FAM124B: variants seen among roughly 807,000 people sequenced by gnomAD.
FAM124B encodes the protein protein FAM124B.
Under a neutral mutation model 19.7 loss-of-function variants are expected in FAM124B, and 18 were observed. That is an observed-to-expected ratio of 0.92 (90% CI 0.63 to 1.36). The LOEUF is 1.36. Among genes scored for constraint, FAM124B ranks in the 40% most tolerant of loss-of-function variants. The pLI, the probability that FAM124B is intolerant of heterozygous loss-of-function variation, is 0.00. For missense variants in FAM124B, 540 were observed against 553.3 expected (o/e 0.98, Z 0.24); for synonymous variants, 223 against 225.2 (o/e 0.99, Z 0.09).
chr2:224,379,358 G>T lies in FAM124B; in HGVS notation c.*215C>A. On this transcript the variant is annotated 3_prime_UTR_variant, in exon 2 of 2. Coordinates refer to ENST00000409685, the MANE Select transcript of FAM124B (RefSeq NM_001122779.2). Reference sequence around the variant, plus strand: ...AAGCATTCGGTTTTTTTCCCTGTGTGTTGGCTGTGTTCTCTTATGACTGTG... The same window carrying T: ...AAGCATTCGGTTTTTTTCCCTGTGTTTTGGCTGTGTTCTCTTATGACTGTG... 3.1e-6 allele frequency: 2 copies of T among 653,514 alleles called. No homozygotes were observed. The highest frequency in any genetic ancestry group is 4.8e-6 in the Non-Finnish European group (2 of 419,360). The allele number at this position is 653,514 out of a possible 1,614,324, so 40.5% of individuals were successfully genotyped here.
At position 224,380,127 on chromosome 2, in the gene FAM124B, C is replaced by G. The variant is rs773964645; in HGVS notation, c.814G>C (p.Val272Leu). ...GGTTCTGAGGTCCTCTTTGCAGAGA[C>G]AGAAGTCAGCCTGGAGCCCAGGGGA... Reference protein sequence around the residue: ...MLPLGSRLTSVSAKRTSEPRS... With the variant: ...MLPLGSRLTSLSAKRTSEPRS... The change falls in exon 2 of 2, where the codon GTC becomes CTC. Residue 272 changes from valine (V) to leucine (L), a missense_variant. Transcript: ENST00000409685. 8.4e-6 allele frequency: 13 copies of G among 1,551,546 alleles called. No individual in the cohort carries two copies. In the East Asian group the frequency reaches 9.8e-5, roughly 12 times the overall value.
chr2:224,384,964 T>C (rs938755154), intron 1 of FAM124B, among the ~76,000 whole-genome samples: 18 of 152,272 alleles, frequency 1.2e-4, no homozygotes, highest in Admixed American at 2.6e-4. Context: ...ATTAAACTTG[T>C]TCAAGTCTCG....
chr2:224,380,178 T>C lies in FAM124B; in HGVS notation c.763A>G (p.Asn255Asp). ...VQLNPELGVK[N>D]GILGAGMLPL... Reference sequence around the variant, plus strand: ...AGCATGCCAGCTCCCAAGATGCCATTCTTAACACCAAGTTCTGGATTCAGC... The same window carrying C: ...AGCATGCCAGCTCCCAAGATGCCATCCTTAACACCAAGTTCTGGATTCAGC... Residue 255 changes from asparagine to aspartate, a missense_variant, in exon 2 of 2, where the codon AAT (asparagine) becomes GAT (aspartate). Physicochemically the swap from Asn to Asp is conservative, Grantham distance 23 (BLOSUM62 1). Coordinates refer to ENST00000409685, the MANE Select transcript of FAM124B (RefSeq NM_001122779.2). The C allele has an allele frequency of 1.3e-6, 2 of 1,549,262 alleles. No homozygotes were observed. The highest frequency in any genetic ancestry group is 1.7e-6 in the Non-Finnish European group (2 of 1,145,268).
chr2:224,393,683 G>C (rs1403313622), intron 1 of FAM124B, among the ~76,000 whole-genome samples: 2 of 152,182 alleles, frequency 1.3e-5, no homozygotes, highest in Non-Finnish European at 2.9e-5. Flanking sequence ...AGAAGACTTG[G>C]AGGAGACCTG....
intron 1 of FAM124B, among the ~76,000 whole-genome samples, 155 bp from the exon 2 acceptor site, chr2:224,380,363 A>G (rs1392292560): frequency 6.6e-6 from 1 of 152,280 alleles, no homozygotes; most frequent in East Asian, 1.9e-4. Context: ...GTACAATATA[A>G]TTATGAGATA....
intron 1 of FAM124B, chr2:224,400,273 A>G (rs1473632154): frequency 2.1e-6 from 1 of 485,928 alleles, no homozygotes; most frequent in East Asian, 3.1e-5. Context: ...AAGAATAAAA[A>G]TTAAGTCAAT....
chr2:224,385,072 T>C (rs1689781944), intron 1 of FAM124B, among the ~76,000 whole-genome samples: 1 of 152,210 alleles, frequency 6.6e-6, no homozygotes, highest in African/African-American at 2.4e-5. Flanking sequence ...TGTGTAGTTA[T>C]GTTTTTCTAC....
intron 1 of FAM124B, among the ~76,000 whole-genome samples, chr2:224,381,597 G>A (rs1689718408): frequency 6.6e-6 from 1 of 152,164 alleles, no homozygotes; most frequent in Non-Finnish European, 1.5e-5. Flanking sequence ...GCATGATACT[G>A]TAATGGTGGA....
In FAM124B at chr2:224,401,449, C is replaced by T. The variant is rs1013250227; in HGVS notation, c.320G>A (p.Cys107Tyr). ...YPTQDTRGRL[C>Y]PYFFANQEFY... is the part of the protein sequence containing the mutation. ...CTCCTGATTGGCAAAAAAGTAGGGA[C>T]ACAGCCTTCCCCGAGTGTCCTGGGT... Residue 107 changes from cysteine (C) to tyrosine (Y), a missense_variant, in exon 1 of 2, where the codon TGT (cysteine) becomes TAT (tyrosine). Transcript: ENST00000409685. 1.2e-5 allele frequency: 19 copies of T among 1,613,968 alleles called. No individual in the cohort carries two copies. Among genetic ancestry groups the T allele is most frequent in the Admixed American group, 3.3e-5 (2 of 59,974 alleles).
chr2:224,398,650 T>C (rs1393917543), intron 1 of FAM124B, among the ~76,000 whole-genome samples: 1 of 152,072 alleles, frequency 6.6e-6, no homozygotes, highest in African/African-American at 2.4e-5. Flanking sequence ...GGTTTGGAGG[T>C]CAGGACAAAG....
intron 1 of FAM124B, chr2:224,400,638 T>C (rs1690052130): frequency 1.8e-6 from 1 of 551,524 alleles, no homozygotes; most frequent in South Asian, 2.7e-5. Context: ...AGGGGTATAG[T>C]TGATGGGCAT....
intron 1 of FAM124B, among the ~76,000 whole-genome samples, chr2:224,390,775 A>C (rs1457409670): frequency 1.3e-5 from 2 of 148,558 alleles, no homozygotes; most frequent in African/African-American, 5.0e-5. Flanking sequence ...ATCTCGGCCC[A>C]CTGCAACCTC....
At position 224,401,905 on chromosome 2, in the gene FAM124B, C is replaced by T; in HGVS notation, c.-137G>A. ...CTGCAGCGGCTACTTCTGAGCAGAG[C>T]TCTTAACCAGACTAACACGTGCTCC... is the stretch of plus-strand genomic sequence containing the variant. On this transcript the variant is annotated 5_prime_UTR_variant, in exon 1 of 2. Transcript: ENST00000409685. The T allele has an allele frequency of 9.6e-7, 1 of 1,038,224 alleles. No homozygotes were observed. The highest frequency in any genetic ancestry group is 2.6e-5 in the East Asian group (1 of 38,630). 64.3% of individuals were successfully genotyped at this position (1,038,224 alleles called of 1,614,324 possible).
At chr2:224,393,018 C>G (rs951485960) in intron 1 of FAM124B, among the ~76,000 whole-genome samples, 1 of 152,184 alleles carries the variant, frequency 6.6e-6, no homozygotes, top group East Asian at 1.9e-4. Flanking sequence ...TATCGAATAG[C>G]ACAGATACAG....
Position 224,401,113 on chromosome 2 carries a change from AG to A in FAM124B, c.655del (p.Leu219TyrfsTer29). ...VQEIGQLVPL[L>X]PNPCMPISST... ...GCTGATAGGCATGCATGGATTGGGTAGCAGAGGCACTAACTGGCCGATCTCT... is the reference window on the plus strand; with the variant it reads ...GCTGATAGGCATGCATGGATTGGGTACAGAGGCACTAACTGGCCGATCTCT... On this transcript the variant is annotated frameshift_variant, in exon 1 of 2. Coordinates refer to ENST00000409685, the MANE Select transcript of FAM124B (RefSeq NM_001122779.2). LOFTEE classifies it high-confidence loss of function. The A allele has an allele frequency of 4.3e-6, 7 of 1,614,166 alleles. No homozygotes were observed. The highest frequency in any genetic ancestry group is 5.9e-6 in the Non-Finnish European group (7 of 1,180,024).
intron 1 of FAM124B, among the ~76,000 whole-genome samples, chr2:224,385,205 C>T (rs1257352585): frequency 2.6e-5 from 4 of 152,190 alleles, no homozygotes; most frequent in Admixed American, 2.6e-4. Flanking sequence ...TCCCTCCTAC[C>T]ACTCCAATGA....
In FAM124B at chr2:224,379,736, AC is replaced by A; in HGVS notation, c.1204del (p.Val402TrpfsTer58). 6.4e-7 allele frequency: 1 copy of A among 1,551,620 alleles called. No homozygotes were observed. Among genetic ancestry groups the A allele is most frequent in the Non-Finnish European group, 8.7e-7 (1 of 1,146,980 alleles). On this transcript the variant is annotated frameshift_variant, in exon 2 of 2. Transcript: ENST00000409685. LOFTEE classifies it low-confidence loss of function (END_TRUNC). Reference protein sequence around the residue: ...PFCLPASSLGVATSKNNSVLK... With the variant: ...PFCLPASSLGXATSKNNSVLK... ...GACACTGTTGTTTTTGGAGGTAGCC[AC>A]CCCCAAGGAAGAGGCTGGCAAGCAG...
At chr2:224,396,290 C>T (rs948425103) in intron 1 of FAM124B, among the ~76,000 whole-genome samples, 5 of 152,154 alleles carry the variant, frequency 3.3e-5, no homozygotes, top group Non-Finnish European at 7.3e-5. Flanking sequence ...ACCACACCAA[C>T]ATCGTCACCC....
rs147737728 is a variant in FAM124B, at chr2:224,396,893, G to A, written c.732+4144C>T. Among the ~76,000 whole-genome samples the A allele has an allele frequency of 4.5e-3, 681 of 152,316 alleles. 1 individual carries two copies. Among genetic ancestry groups the A allele is most frequent in the African/African-American group, 0.015 (633 of 41,560 alleles). On this transcript the variant is annotated intron_variant, in intron 1 of 1. Transcript: ENST00000409685. ...CCTGGCGGATGCCTGGCTGAGGATA[G>A]GGCCAAGACAGTGATAACAGAGCTG...
Sources: gnomAD v4.1 joint callset for allele counts (sites outside exome capture counted in the v4.1 genomes callset) on GRCh38, gnomAD v4.1.1 for gene constraint, MANE v1.5 for transcripts, NCBI Gene and HGNC (gene_info 2026-07-23, HGNC 2026-07-21) for gene names.